Variants in RALGPS2 observed in about 807,000 individuals in gnomAD.
RALGPS2 encodes the protein Ral GEF with PH domain and SH3 binding motif 2, also known as ras-specific guanine nucleotide-releasing factor RalGPS2.
In RALGPS2, 43 loss-of-function variants were observed where a neutral mutation model predicts 86.8. The ratio of observed to expected loss-of-function variants is 0.50; its 90% CI spans 0.39 to 0.64. The LOEUF (loss-of-function observed/expected upper bound fraction) is 0.64. RALGPS2 is among the 30% of genes least tolerant of loss of function. The pLI is 0.00. For synonymous variants in RALGPS2, 243 were observed against 231.3 expected (o/e 1.05, Z -0.46); for missense variants, 536 against 694.6 (o/e 0.77, Z 2.57).
At chr1:178,911,497 T>C (rs958300045) in intron 19 of RALGPS2, among the ~76,000 whole-genome samples, 5 of 152,338 alleles carry the variant, frequency 3.3e-5, no homozygotes, top group Admixed American at 1.3e-4. Context: ...GAAAGTTGTT[T>C]AAGTTCCATA....
At chr1:178,905,760 C>T (rs1304511070) in intron 18 of RALGPS2, among the ~76,000 whole-genome samples, 3 of 152,114 alleles carry the variant, frequency 2.0e-5, no homozygotes, top group Non-Finnish European at 2.9e-5. Context: ...TGTTTTCTCA[C>T]CTTAATACAT....
chr1:178,856,200 G>GATATATATATATATATATATATATAT (rs1348083361), intron 8 of RALGPS2, among the ~76,000 whole-genome samples: 2 of 40,942 alleles, frequency 4.9e-5, no homozygotes, highest in African/African-American at 1.9e-4. Flanking sequence ...CAGAGAGAGA[G>GATATATATATATATATATATATATAT]AGATATATAT....
At chr1:178,759,468 G>A (rs952745109) in intron 1 of RALGPS2, among the ~76,000 whole-genome samples, 6 of 149,380 alleles carry the variant, frequency 4.0e-5, no homozygotes, top group African/African-American at 1.2e-4. Context: ...ATGCTGTTTT[G>A]GTTACTGTAA....
intron 6 of RALGPS2, 99 bp downstream of exon 6, chr1:178,811,503 T>G: frequency 3.3e-6 from 3 of 904,316 alleles, no homozygotes; most frequent in Non-Finnish European, 3.3e-6. Context: ...TTATTGATAC[T>G]GGAAAAATAA....
intron 19 of RALGPS2, among the ~76,000 whole-genome samples, chr1:178,909,007 G>T (rs944285992): frequency 3.3e-5 from 5 of 152,116 alleles, no homozygotes; most frequent in Non-Finnish European, 7.4e-5. Context: ...GTATATCCTA[G>T]GTTATCTTTC....
At chr1:178,885,268 T>C in intron 12 of RALGPS2, 57 bp downstream of exon 12, 1 of 1,520,952 alleles carries the variant, frequency 6.6e-7, no homozygotes, top group Non-Finnish European at 9.0e-7. Flanking sequence ...TTGGATTTAT[T>C]GTCGATTTAT....
At chr1:178,783,890 A>T (rs1653516593) in intron 2 of RALGPS2, among the ~76,000 whole-genome samples, 1 of 152,142 alleles carries the variant, frequency 6.6e-6, no homozygotes, top group African/African-American at 2.4e-5. Flanking sequence ...AGCAGGGAAA[A>T]CTTAAATTTG....
intron 16 of RALGPS2, among the ~76,000 whole-genome samples, chr1:178,896,760 T>C (rs1349228226): frequency 4.7e-5 from 7 of 148,236 alleles, no homozygotes; most frequent in Non-Finnish European, 8.9e-5. Context: ...TGATTTCCAA[T>C]TTCATCCATG....
chr1:178,854,700 TAGAC>T (rs1306876789), intron 8 of RALGPS2, among the ~76,000 whole-genome samples: 2 of 152,164 alleles, frequency 1.3e-5, no homozygotes, highest in Non-Finnish European at 2.9e-5. Context: ...AAACCCTAGA[TAGAC>T]ATAAATCCTT....
intron 1 of RALGPS2, among the ~76,000 whole-genome samples, chr1:178,733,740 G>A (rs2862517): frequency 0.47 from 70,773 of 152,010 alleles, 17,757 homozygotes; most frequent in African/African-American, 0.65. Flanking sequence ...ATCAGTATAT[G>A]TGTGCATCAG....
chr1:178,885,899 C>G (rs1346352223), intron 12 of RALGPS2, 70 bp from the exon 13 acceptor site: 4 of 1,301,712 alleles, frequency 3.1e-6, no homozygotes, highest in Non-Finnish European at 4.2e-6. Context: ...TGTCCTAAAT[C>G]TTTATATAAA....
At chr1:178,902,821 G>A (rs2102406842) in intron 18 of RALGPS2, among the ~76,000 whole-genome samples, 1 of 152,132 alleles carries the variant, frequency 6.6e-6, no homozygotes, top group South Asian at 2.1e-4. Flanking sequence ...TAATCCATAA[G>A]CAGCAAAACA....
intron 1 of RALGPS2, among the ~76,000 whole-genome samples, chr1:178,765,321 GAA>G (rs1266443142): frequency 6.6e-6 from 1 of 152,116 alleles, no homozygotes; most frequent in Non-Finnish European, 1.5e-5. Context: ...ACAGAAGAGA[GAA>G]ATTTTAAAGC....
rs144854789 is a variant in RALGPS2 at position 178,898,275 on chromosome 1, G to A, written c.1524+519G>A. On this transcript the variant is annotated intron_variant, in intron 17 of 19. Transcript: ENST00000367635. ...ATACCAGTGATAGAATCTTTGAAAG[G>A]AAGAATGATTTTCTATGTTGCATTA... Among the ~76,000 whole-genome samples the A allele has an allele frequency of 6.0e-3, 910 of 152,048 alleles. 15 individuals carry two copies. The highest frequency in any genetic ancestry group is 0.021 in the African/African-American group (882 of 41,494).
At chr1:178,801,506 G>A (rs376450750) in intron 4 of RALGPS2, among the ~76,000 whole-genome samples, 1 of 152,066 alleles carries the variant, frequency 6.6e-6, no homozygotes, top group Non-Finnish European at 1.5e-5. Flanking sequence ...CAAAAGTATG[G>A]TGGATTGTGG....
chr1:178,885,257 A>G (rs1659430988), intron 12 of RALGPS2, 46 bp downstream of exon 12: 4 of 1,544,838 alleles, frequency 2.6e-6, no homozygotes, highest in South Asian at 1.2e-5. Flanking sequence ...GTCTTTTGTA[A>G]TTGGATTTAT....
chr1:178,799,093 G>A (rs554844389), intron 4 of RALGPS2, among the ~76,000 whole-genome samples: 108 of 152,246 alleles, frequency 7.1e-4, no homozygotes, highest in Middle Eastern at 6.8e-3. Flanking sequence ...AAGCTAGAGT[G>A]CAGTGGCGCG....
At chr1:178,899,200 G>A (rs1407420806) in intron 17 of RALGPS2, among the ~76,000 whole-genome samples, 2 of 151,754 alleles carry the variant, frequency 1.3e-5, no homozygotes, top group East Asian at 1.9e-4. Context: ...GCTTTGCATT[G>A]TTGCTTGTGC....
intron 2 of RALGPS2, among the ~76,000 whole-genome samples, chr1:178,781,319 G>A (rs967737246): frequency 6.6e-6 from 1 of 152,084 alleles, no homozygotes; most frequent in Non-Finnish European, 1.5e-5. Context: ...TAACATCAAA[G>A]TACAAATTTC....
Sources: gnomAD v4.1 joint callset for allele counts (sites outside exome capture counted in the v4.1 genomes callset) on GRCh38, gnomAD v4.1.1 for gene constraint, MANE v1.5 for transcripts, NCBI Gene and HGNC (gene_info 2026-07-23, HGNC 2026-07-21) for gene names.